ENTPD5: variants seen among roughly 807,000 people sequenced by gnomAD.
ENTPD5 encodes ectonucleoside triphosphate diphosphohydrolase 5 (inactive), also known as nucleoside diphosphate phosphatase ENTPD5.
Under a neutral mutation model 60.2 loss-of-function variants are expected in ENTPD5, and 49 were observed. That is an observed-to-expected ratio of 0.81 (90% CI 0.65 to 1.03). ENTPD5 has a LOEUF of 1.03. ENTPD5 is among the 50% of genes least tolerant of loss of function. The pLI, the probability that ENTPD5 is intolerant of heterozygous loss-of-function variation, is 0.00. For missense variants in ENTPD5, 480 were observed against 507.6 expected (o/e 0.95, Z 0.52); for synonymous variants, 187 against 185.4 (o/e 1.01, Z -0.07).
downstream of ENTPD5, chr14:73,959,438 G>C (rs776645740): frequency 1.2e-6 from 2 of 1,614,180 alleles, no homozygotes; most frequent in Admixed American, 3.3e-5. Context: ...TGAGTTCCTT[G>C]GTTTGGTCCA....
At chr14:73,995,308 A>G (rs1378123378) in intron 3 of ENTPD5, among the ~76,000 whole-genome samples, 2 of 152,052 alleles carry the variant, frequency 1.3e-5, no homozygotes, top group African/African-American at 4.8e-5. Flanking sequence ...TCAGCCTCCC[A>G]AAATGCTAGG....
In ENTPD5 at chr14:73,965,057, G is replaced by A. The variant is rs1265764728; in HGVS notation, c.*1871C>T. ...TTTGAGGAAGGCAGTTGGTATAAAGGTGACCTTAGTAATAAAAGTCAGTGT... is the reference window on the plus strand; with the variant it reads ...TTTGAGGAAGGCAGTTGGTATAAAGATGACCTTAGTAATAAAAGTCAGTGT... On this transcript the variant is annotated 3_prime_UTR_variant, in exon 16 of 16. Transcript: ENST00000334696. 6.6e-6 allele frequency: 1 copy of A among 152,160 alleles called. No homozygotes were observed. Among genetic ancestry groups the A allele is most frequent in the Non-Finnish European group, 1.5e-5 (1 of 68,034 alleles). 9.4% of individuals were successfully genotyped at this position (152,160 alleles called of 1,614,324 possible). A position where few individuals can be genotyped will look rare whatever the true frequency, so the allele number is the denominator to read the frequency against.
At chr14:73,957,896 A>C (rs1365248160), downstream of ENTPD5, 1 of 466,462 alleles carries the variant, frequency 2.1e-6, no homozygotes, top group African/African-American at 2.0e-5. Flanking sequence ...GCGCAGAAGC[A>C]TGTGGACAGT....
intron 3 of ENTPD5, among the ~76,000 whole-genome samples, chr14:73,993,990 G>A: frequency 6.6e-6 from 1 of 151,392 alleles, no homozygotes; most frequent in Non-Finnish European, 1.5e-5. Context: ...CCAAACAATA[G>A]ATTTTAGAGA....
chr14:73,976,195 T>A, intron 9 of ENTPD5, 129 bp downstream of exon 9: 2 of 858,682 alleles, frequency 2.3e-6, no homozygotes, highest in Non-Finnish European at 3.8e-6. Flanking sequence ...AACATTCACC[T>A]AGTTATTAAT....
chr14:73,956,821 T>C (rs1432180268), downstream of ENTPD5: 2 of 152,178 alleles, frequency 1.3e-5, no homozygotes, highest in East Asian at 3.8e-4. Flanking sequence ...GTAACTTAAA[T>C]GCTTTTTGAT....
chr14:74,000,828 G>A (rs58102735), intron 3 of ENTPD5, among the ~76,000 whole-genome samples: 11,986 of 152,126 alleles, frequency 0.079, 628 homozygotes, highest in South Asian at 0.26. Context: ...ATGAAAAATG[G>A]ACAGAAATAA....
chr14:73,975,136 A>C (rs1414756839), intron 10 of ENTPD5, 151 bp from the exon 11 acceptor site: 2 of 650,862 alleles, frequency 3.1e-6, no homozygotes. Flanking sequence ...GTGGTCAACA[A>C]GGGGTAATTT....
intron 12 of ENTPD5, 148 bp downstream of exon 12, chr14:73,973,729 A>G: frequency 7.6e-6 from 5 of 657,492 alleles, no homozygotes; most frequent in South Asian, 7.3e-5. Flanking sequence ...GTCACTTCAC[A>G]TTAGTCCTTG....
chr14:73,962,823 G>C (rs1466044781), downstream of ENTPD5: 7 of 672,164 alleles, frequency 1.0e-5, no homozygotes, highest in East Asian at 1.4e-4. Context: ...TCTCTAAAAC[G>C]TGTGTATATG....
intron 15 of ENTPD5, among the ~76,000 whole-genome samples, chr14:73,969,432 C>A (rs1271162161): frequency 6.6e-6 from 1 of 152,142 alleles, no homozygotes; most frequent in African/African-American, 2.4e-5. Context: ...GTGGCTCACG[C>A]CTGTAATCCC....
rs999468483 is a variant in ENTPD5, at chr14:73,964,835, G to C, written c.*2093C>G. The C allele has an allele frequency of 6.6e-6, 1 of 151,926 alleles. No homozygotes were observed. Among genetic ancestry groups the C allele is most frequent in the Non-Finnish European group, 1.5e-5 (1 of 67,958 alleles). 9.4% of individuals were successfully genotyped at this position (151,926 alleles called of 1,614,324 possible). On this transcript the variant is annotated 3_prime_UTR_variant, in exon 16 of 16. Transcript: ENST00000334696. ...CAGAACTAAGACCACTTAGAAGATA[G>C]GTAGATTTCAGCTCAATATAAGGAA...
chr14:73,961,838 G>C, downstream of ENTPD5: 1 of 1,614,184 alleles, frequency 6.2e-7, no homozygotes, highest in Non-Finnish European at 8.5e-7. Flanking sequence ...TTCTACCAGT[G>C]CCTCCCCGCT....
chr14:74,017,170 TA>T (rs2059038976), intron 1 of ENTPD5, among the ~76,000 whole-genome samples: 1 of 152,124 alleles, frequency 6.6e-6, no homozygotes, highest in Non-Finnish European at 1.5e-5. Flanking sequence ...ATTACAAAAG[TA>T]GCCGGGCATG....
intron 6 of ENTPD5, among the ~76,000 whole-genome samples, chr14:73,979,066 G>C (rs1357369112): frequency 6.6e-6 from 1 of 152,112 alleles, no homozygotes. Context: ...CCTGGATGCT[G>C]TTCCTAACAT....
chr14:73,984,061 CTT>C (rs145826937), intron 5 of ENTPD5, among the ~76,000 whole-genome samples: 9,396 of 151,062 alleles, frequency 0.062, 462 homozygotes, highest in South Asian at 0.27. Context: ...GAATTTTGCT[CTT>C]GTTACCCAGG....
intron 3 of ENTPD5, among the ~76,000 whole-genome samples, chr14:73,994,421 C>T (rs1224868000): frequency 6.6e-6 from 1 of 151,938 alleles, no homozygotes; most frequent in Non-Finnish European, 1.5e-5. Context: ...GCCTCCGCAC[C>T]GAGCAATGTA....
chr14:73,979,693 G>A (rs1364645371), intron 6 of ENTPD5, among the ~76,000 whole-genome samples: 1 of 152,048 alleles, frequency 6.6e-6, no homozygotes, highest in Non-Finnish European at 1.5e-5. Flanking sequence ...GGATGGTCTC[G>A]ATCTCCTAAC....
chr14:73,967,673 A>G (rs1441815764), intron 15 of ENTPD5, among the ~76,000 whole-genome samples: 1 of 151,808 alleles, frequency 6.6e-6, no homozygotes. Context: ...GGTGGCACAC[A>G]CCTGTAATCC....
Sources: allele counts gnomAD v4.1 joint callset (sites outside exome capture counted in the v4.1 genomes callset), GRCh38; gene constraint gnomAD v4.1.1; transcripts MANE v1.5; gene names NCBI Gene and HGNC (gene_info 2026-07-23, HGNC 2026-07-21).